The following PPP3CA variants were observed in gnomAD, a reference collection of about 807,000 sequenced individuals.
PPP3CA encodes the protein CAM-PRP catalytic subunit.
In PPP3CA, 14 loss-of-function variants were observed where a neutral mutation model predicts 66.5. The ratio of observed to expected loss-of-function variants is 0.21; its 90% CI spans 0.14 to 0.33. The LOEUF is 0.33. Among genes scored for constraint, PPP3CA ranks in the 10% least tolerant of loss-of-function variants. The pLI is 1.00. For synonymous variants in PPP3CA, 232 were observed against 226.2 expected, an observed-to-expected ratio of 1.03 and a Z score of -0.23; for missense variants, 317 against 639.5, an observed-to-expected ratio of 0.50 and a Z score of 5.44.
At chr4:101,240,994 T>A (rs1276535624) in intron 1 of PPP3CA, 1 of 152,080 alleles carries the variant, frequency 6.6e-6, no homozygotes, top group African/African-American at 2.4e-5. Flanking sequence ...CTCAGCCTCC[T>A]AAGTGGCTAG....
At chr4:101,242,926 C>T (rs549123296) in intron 1 of PPP3CA, among the ~76,000 whole-genome samples, 1 of 152,236 alleles carries the variant, frequency 6.6e-6, no homozygotes, top group Admixed American at 6.5e-5. Context: ...AACCTCATTC[C>T]TTGAACAAGA....
At chr4:101,031,948 A>G (rs1726984800) in intron 12 of PPP3CA, among the ~76,000 whole-genome samples, 1 of 152,240 alleles carries the variant, frequency 6.6e-6, no homozygotes, top group South Asian at 2.1e-4. Context: ...GTTTTTGACA[A>G]CGGAGTGGCT....
chr4:101,138,085 C>G (rs972363417), intron 2 of PPP3CA, among the ~76,000 whole-genome samples: 2 of 152,134 alleles, frequency 1.3e-5, no homozygotes, highest in Non-Finnish European at 2.9e-5. Flanking sequence ...CAGAAATAAG[C>G]AATGGTTGCC....
intron 2 of PPP3CA, among the ~76,000 whole-genome samples, chr4:101,114,098 T>C (rs187492316): frequency 2.0e-5 from 3 of 152,208 alleles, no homozygotes; most frequent in South Asian, 2.1e-4. Context: ...CAAATACTTA[T>C]GATGTTTAAA....
intron 1 of PPP3CA, among the ~76,000 whole-genome samples, chr4:101,335,182 GGAAGCCACTGGTCTCCTTCATA>G (rs1729585855): frequency 6.6e-6 from 1 of 152,054 alleles, no homozygotes; most frequent in Non-Finnish European, 1.5e-5. Context: ...CACCATAGTT[GGAAGCCACTGGTCTCCTTCATA>G]TCTCAGTGAA....
At chr4:101,154,106 T>C (rs1346910738) in intron 2 of PPP3CA, among the ~76,000 whole-genome samples, 1 of 152,188 alleles carries the variant, frequency 6.6e-6, no homozygotes, top group African/African-American at 2.4e-5. Flanking sequence ...TGCTTGTATA[T>C]GTCATCCTTA....
At chr4:101,226,511 C>T (rs1481017488) in intron 1 of PPP3CA, among the ~76,000 whole-genome samples, 5 of 151,658 alleles carry the variant, frequency 3.3e-5, no homozygotes, top group Admixed American at 2.6e-4. Context: ...TATAAAGATC[C>T]TTTCAACAGC....
At chr4:101,205,932 C>G (rs1269556271) in intron 1 of PPP3CA, among the ~76,000 whole-genome samples, 1 of 152,210 alleles carries the variant, frequency 6.6e-6, no homozygotes, top group East Asian at 1.9e-4. Context: ...TTTTGCCTGA[C>G]AGTCACCCTC....
At chr4:101,175,589 C>T (rs1444089924) in intron 2 of PPP3CA, among the ~76,000 whole-genome samples, 1 of 152,144 alleles carries the variant, frequency 6.6e-6, no homozygotes, top group Non-Finnish European at 1.5e-5. Flanking sequence ...TCTAAGGAGT[C>T]CAAAGGGACT....
chr4:101,244,711 A>G (rs943425727), intron 1 of PPP3CA, among the ~76,000 whole-genome samples: 6 of 152,214 alleles, frequency 3.9e-5, no homozygotes, highest in African/African-American at 7.2e-5. Flanking sequence ...TTTCAGAAGA[A>G]TTCAAAATAC....
At chr4:101,212,781 G>A (rs973467525) in intron 1 of PPP3CA, among the ~76,000 whole-genome samples, 1 of 151,954 alleles carries the variant, frequency 6.6e-6, no homozygotes, top group Non-Finnish European at 1.5e-5. Context: ...GCTTTTCCAA[G>A]AACATTTATG....
At chr4:101,054,117 T>C (rs1728125269) in intron 10 of PPP3CA, among the ~76,000 whole-genome samples, 1 of 152,028 alleles carries the variant, frequency 6.6e-6, no homozygotes. Flanking sequence ...TATATCTAAA[T>C]GGGTTTTTTT....
chr4:101,043,380 A>T (rs1319080293), intron 10 of PPP3CA, among the ~76,000 whole-genome samples: 1 of 152,096 alleles, frequency 6.6e-6, no homozygotes, highest in Non-Finnish European at 1.5e-5. Flanking sequence ...AAAAATGCTC[A>T]AATACATACT....
At chr4:101,224,587 C>T (rs1431085455) in intron 1 of PPP3CA, among the ~76,000 whole-genome samples, 1 of 151,822 alleles carries the variant, frequency 6.6e-6, no homozygotes, top group Non-Finnish European at 1.5e-5. Context: ...CCTAAACCTA[C>T]ACTAACACAC....
chr4:101,336,486 C>T (rs1204738625), intron 1 of PPP3CA, among the ~76,000 whole-genome samples: 2 of 149,498 alleles, frequency 1.3e-5, no homozygotes, highest in Admixed American at 6.7e-5. Flanking sequence ...GCACAAGAAT[C>T]GTTTGAACTT....
intron 1 of PPP3CA, among the ~76,000 whole-genome samples, chr4:101,220,002 C>T (rs912745656): frequency 4.0e-5 from 6 of 151,758 alleles, no homozygotes; most frequent in Admixed American, 6.6e-5. Flanking sequence ...TTGATTAACA[C>T]GCTCTGGTTT....
intron 2 of PPP3CA, among the ~76,000 whole-genome samples, chr4:101,157,733 T>C (rs1560632063): frequency 6.6e-6 from 1 of 152,180 alleles, no homozygotes; most frequent in Admixed American, 6.5e-5. Context: ...TCAATGCTTT[T>C]TTTCTTCTGC....
At chr4:101,320,452 A>ATATGTATG (rs535586811) in intron 1 of PPP3CA, among the ~76,000 whole-genome samples, 358 of 147,188 alleles carry the variant, frequency 2.4e-3, no homozygotes, top group African/African-American at 8.9e-3. Context: ...AAAACCACTC[A>ATATGTATG]TATGTATGTA....
chr4:101,095,229 T>C (rs1056731889), intron 5 of PPP3CA, among the ~76,000 whole-genome samples: 1 of 152,120 alleles, frequency 6.6e-6, no homozygotes, highest in Non-Finnish European at 1.5e-5. Flanking sequence ...TACTTGTCCC[T>C]AAAAATACAG....
Sources: allele counts gnomAD v4.1 joint callset (sites outside exome capture counted in the v4.1 genomes callset), GRCh38; gene constraint gnomAD v4.1.1; transcripts MANE v1.5; gene names NCBI Gene and HGNC (gene_info 2026-07-23, HGNC 2026-07-21).